The following PCDH15 variants were observed in gnomAD, a reference collection of about 807,000 sequenced individuals.
PCDH15 encodes protocadherin related 15.
In PCDH15, 129 loss-of-function variants were observed where a neutral mutation model predicts 178.5. That is an observed-to-expected ratio of 0.72 (90% CI 0.63 to 0.84). The LOEUF is 0.84. Among genes scored for constraint, PCDH15 ranks in the 40% least tolerant of loss-of-function variants. PCDH15 has a pLI of 0.00. For synonymous variants in PCDH15, 800 were observed against 732.0 expected (o/e 1.09, Z -1.50); for missense variants, 2,230 against 2,099.9 (o/e 1.06, Z -1.21).
At chr10:55,532,586 G>A (rs548682593) in intron 2 of PCDH15, among the ~76,000 whole-genome samples, 5 of 152,166 alleles carry the variant, frequency 3.3e-5, no homozygotes, top group African/African-American at 7.2e-5. Flanking sequence ...AAAGCCAAAC[G>A]TAATTAAGAA....
chr10:54,505,911 G>A (rs1404367523), intron 3 of PCDH15, among the ~76,000 whole-genome samples: 1 of 152,056 alleles, frequency 6.6e-6, no homozygotes, highest in Non-Finnish European at 1.5e-5. Context: ...TCAGTGATAT[G>A]GTAGATCTCT....
chr10:54,931,800 G>C (rs190908836), intron 2 of PCDH15, among the ~76,000 whole-genome samples: 184 of 152,254 alleles, frequency 1.2e-3, no homozygotes, highest in African/African-American at 4.4e-3. Flanking sequence ...GTGTTTTGTA[G>C]TTTCAGAAAG....
At chr10:54,052,691 G>A (rs1410438217) in intron 18 of PCDH15, among the ~76,000 whole-genome samples, 1 of 152,124 alleles carries the variant, frequency 6.6e-6, no homozygotes, top group Non-Finnish European at 1.5e-5. Flanking sequence ...CTGTTGGAAG[G>A]GCATAATTGT....
At position 55,584,900 on chromosome 10, in the gene PCDH15, G is replaced by A. The variant is rs560384593; in HGVS notation, c.-156+42725C>T. Among the ~76,000 whole-genome samples, 306 of 151,070 alleles carry A rather than the reference G, an allele frequency of 2.0e-3. 2 individuals are homozygous for A. Among genetic ancestry groups the A allele is most frequent in the Non-Finnish European group, 3.7e-3 (248 of 67,770 alleles). On this transcript the variant is annotated intron_variant, in intron 2 of 5. Transcript: ENST00000613346. ...TTATATGTAGATGAATAAATCATAG[G>A]CACTTGAAAGTAGTATTTGAGTAAT...
At position 55,486,283 on chromosome 10, in the gene PCDH15, A is replaced by C. The variant is rs998617757; in HGVS notation, c.-156+141342T>G. ...TAAATGAAGGAAACAAGAAATAAAA[A>C]GCAAATACAGTTACTCAATAGTGAA... On this transcript the variant is annotated intron_variant, in intron 2 of 5. Coordinates refer to the PCDH15 transcript ENST00000613346. 7.2e-5 allele frequency among the ~76,000 whole-genome samples: 11 copies of C among 151,856 alleles called. No individual in the cohort carries two copies. In the South Asian group the frequency reaches 1.2e-3, roughly 17 times the overall value.
intron 2 of PCDH15, among the ~76,000 whole-genome samples, chr10:55,596,888 A>G (rs2132137823): frequency 2.0e-5 from 3 of 152,306 alleles, no homozygotes; most frequent in African/African-American, 7.2e-5. Flanking sequence ...GCAAAAACAG[A>G]GGCAATAAAG....
At chr10:54,773,033 A>C (rs1949276750) in intron 1 of PCDH15, among the ~76,000 whole-genome samples, 3 of 152,148 alleles carry the variant, frequency 2.0e-5, no homozygotes, top group Middle Eastern at 6.8e-3. Context: ...CAAGCATTTA[A>C]AGTGGGAGCT....
chr10:54,130,311 A>G (rs1258229023), intron 15 of PCDH15, among the ~76,000 whole-genome samples: 1 of 152,218 alleles, frequency 6.6e-6, no homozygotes, highest in East Asian at 1.9e-4. Flanking sequence ...AGCAATGTTT[A>G]GCTGGTAACA....
intron 13 of PCDH15, among the ~76,000 whole-genome samples, chr10:54,173,450 G>A (rs1476104719): frequency 6.6e-6 from 1 of 152,108 alleles, no homozygotes; most frequent in Non-Finnish European, 1.5e-5. Context: ...TTTTTGAAGT[G>A]ATTCTTCTGA....
At chr10:54,105,080 G>A (rs1384851491) in intron 15 of PCDH15, among the ~76,000 whole-genome samples, 1 of 150,942 alleles carries the variant, frequency 6.6e-6, no homozygotes, top group African/African-American at 2.4e-5. Flanking sequence ...ACTATTAGAA[G>A]TAAAGTACTT....
chr10:55,315,655 G>GA (rs2132293541), intron 1 of PCDH15, among the ~76,000 whole-genome samples: 1 of 152,152 alleles, frequency 6.6e-6, no homozygotes, highest in South Asian at 2.1e-4. Context: ...TTATGCAGGG[G>GA]AAAAATGTCC....
At position 54,022,906 on chromosome 10, in the gene PCDH15, T is replaced by C. The variant is rs144396055; in HGVS notation, c.2512A>G (p.Ile838Val). 11 of 1,613,756 alleles carry C rather than the reference T, an allele frequency of 6.8e-6. No individual in the cohort carries two copies. The African/African-American group carries it at 1.3e-4, about 20-fold the overall frequency. ...VEENLPAGTTILQIEAKDVDL... is the reference protein window; with the variant it reads ...VEENLPAGTTVLQIEAKDVDL... ...TTCCCACACACCTCTATTTGAAGGA[T>C]GGTAGTCCCAGCTGGCAAATTCTCT... Residue 838 changes from isoleucine (I) to valine (V), a missense_variant, in exon 19 of 38, where the codon ATC (isoleucine) becomes GTC (valine). Physicochemically the swap from Ile to Val is conservative, Grantham distance 29 (BLOSUM62 3). Coordinates refer to ENST00000644397, the MANE Select transcript of PCDH15 (RefSeq NM_001384140.1).
chr10:55,314,537 G>A (rs556319693), intron 1 of PCDH15, among the ~76,000 whole-genome samples: 2 of 149,830 alleles, frequency 1.3e-5, no homozygotes, highest in African/African-American at 4.9e-5. Flanking sequence ...TGGGTTTGTC[G>A]CCACAATATT....
At chr10:55,454,036 A>G (rs886560391) in intron 2 of PCDH15, among the ~76,000 whole-genome samples, 3 of 152,162 alleles carry the variant, frequency 2.0e-5, no homozygotes, top group East Asian at 1.9e-4. Context: ...GTCTTATTCT[A>G]TAAAATAATT....
chr10:55,049,861 C>T (rs911318583), intron 2 of PCDH15, among the ~76,000 whole-genome samples: 5 of 152,134 alleles, frequency 3.3e-5, no homozygotes, highest in Middle Eastern at 3.4e-3. Flanking sequence ...TGCTGACATG[C>T]TTACATTCCT....
At chr10:54,978,043 A>G (rs915495527) in intron 2 of PCDH15, among the ~76,000 whole-genome samples, 45 of 152,180 alleles carry the variant, frequency 3.0e-4, no homozygotes, top group African/African-American at 1.0e-3. Flanking sequence ...AATATTTCTT[A>G]CCTATAACCT....
At chr10:53,881,961 A>C (rs1459244492) in intron 26 of PCDH15, among the ~76,000 whole-genome samples, 4 of 151,620 alleles carry the variant, frequency 2.6e-5, no homozygotes, top group Non-Finnish European at 5.9e-5. Context: ...AATTTGGTAA[A>C]ATGTTAATAT....
At chr10:55,275,723 T>C (rs1001511962) in intron 1 of PCDH15, among the ~76,000 whole-genome samples, 11 of 151,070 alleles carry the variant, frequency 7.3e-5, no homozygotes, top group African/African-American at 2.4e-4. Flanking sequence ...TTTTTTCCTG[T>C]AGAGTATTTG....
intron 2 of PCDH15, among the ~76,000 whole-genome samples, chr10:55,551,758 G>A (rs115699340): frequency 0.017 from 2,573 of 151,638 alleles, 73 homozygotes; most frequent in African/African-American, 0.058. Context: ...ATAATTTTTA[G>A]TATTTTAAAA....
Sources: gnomAD v4.1 joint callset for allele counts (sites outside exome capture counted in the v4.1 genomes callset) on GRCh38, gnomAD v4.1.1 for gene constraint, MANE v1.5 for transcripts, NCBI Gene and HGNC (gene_info 2026-07-23, HGNC 2026-07-21) for gene names.